ADORA1: variants seen among roughly 807,000 people sequenced by gnomAD.
ADORA1 encodes the protein adenosine receptor A1.
A neutral mutation model predicts 19.9 loss-of-function variants in ADORA1; 6 were observed. The observed-to-expected ratio is 0.30, with a 90% CI of 0.17 to 0.59. The LOEUF is 0.59. ADORA1 is among the 20% of genes least tolerant of loss of function. The probability of loss-of-function intolerance (pLI) is 0.87; values close to 1 mark genes in which losing one functional copy is unlikely to be tolerated. For synonymous variants in ADORA1, 194 were observed against 188.4 expected (o/e 1.03, Z -0.24); for missense variants, 302 against 439.2 (o/e 0.69, Z 2.79).
At chr1:203,129,395 C>T in intron 3 of ADORA1, 1 of 663,900 alleles carries the variant, frequency 1.5e-6, no homozygotes, top group Non-Finnish European at 1.9e-6. Flanking sequence ...GTACTGTGAA[C>T]TTACCAGTGC....
intron 3 of ADORA1, among the ~76,000 whole-genome samples, chr1:203,133,296 G>A (rs1654400874): frequency 6.6e-6 from 1 of 152,074 alleles, no homozygotes; most frequent in South Asian, 2.1e-4. Context: ...TGTATTTTTA[G>A]TAGAGATGGG....
At chr1:203,142,973 C>T (rs1654742648) in intron 3 of ADORA1, among the ~76,000 whole-genome samples, 1 of 152,158 alleles carries the variant, frequency 6.6e-6, no homozygotes, top group Non-Finnish European at 1.5e-5. Flanking sequence ...CATTACGGTC[C>T]CCTGGGGCCA....
At chr1:203,161,403 G>A (rs1655362142) in intron 3 of ADORA1, among the ~76,000 whole-genome samples, 1 of 152,104 alleles carries the variant, frequency 6.6e-6, no homozygotes, top group African/African-American at 2.4e-5. Flanking sequence ...ACAGGTGCTC[G>A]AGACCAGCCT....
chr1:203,154,674 C>A (rs12119124), intron 3 of ADORA1, among the ~76,000 whole-genome samples: 1 of 152,114 alleles, frequency 6.6e-6, no homozygotes. Context: ...CGCCCCATCC[C>A]CACTGCTCCA....
At chr1:203,140,562 C>T (rs1293912008) in intron 3 of ADORA1, among the ~76,000 whole-genome samples, 1 of 152,128 alleles carries the variant, frequency 6.6e-6, no homozygotes, top group Non-Finnish European at 1.5e-5. Context: ...CAGCTCTCCT[C>T]CCCTGGTGTG....
rs1180626669 is a variant in ADORA1, at chr1:203,165,125, T to C, written c.342-136T>C. On this transcript the variant is annotated intron_variant, in intron 3 of 3. Transcript: ENST00000337894. This position sits in a 1 kb window ranked among gnomAD's most constrained non-coding sequence, Gnocchi z 5.9. ...AGACTCAGCCCTCGAGCAAAAGACATGCACCTCCCCACTCACCGGGCCCTG... is the reference window on the plus strand; with the variant it reads ...AGACTCAGCCCTCGAGCAAAAGACACGCACCTCCCCACTCACCGGGCCCTG... The C allele has an allele frequency of 1.3e-6, 2 of 1,556,118 alleles. No homozygotes were observed. Among genetic ancestry groups the C allele is most frequent in the Admixed American group, 1.9e-5 (1 of 51,438 alleles).
intron 3 of ADORA1, among the ~76,000 whole-genome samples, chr1:203,146,287 C>T (rs933962769): frequency 6.6e-6 from 1 of 152,118 alleles, no homozygotes; most frequent in African/African-American, 2.4e-5. Flanking sequence ...CACTTTACTT[C>T]CCTTCGCCAC....
chr1:203,128,802 C>T lies in ADORA1; in HGVS notation c.-40C>T. On this transcript the variant is annotated 5_prime_UTR_variant, in exon 3 of 4. Coordinates refer to ENST00000337894, the MANE Select transcript of ADORA1 (RefSeq NM_000674.3). The surrounding 1 kb of genome is among the most constrained non-coding windows in gnomAD (Gnocchi z 5.9). ...CCACACAGGTGCTTGCCTCGTGCCC[C>T]TTGGTGCCCGTCTGCTGATGTGCCC... 4 of 1,554,066 alleles carry T rather than the reference C, an allele frequency of 2.6e-6. No homozygotes were observed. The highest frequency in any genetic ancestry group is 3.5e-6 in the Non-Finnish European group (4 of 1,153,632).
chr1:203,142,251 G>A (rs1654719305), intron 3 of ADORA1, among the ~76,000 whole-genome samples: 2 of 152,226 alleles, frequency 1.3e-5, no homozygotes, highest in African/African-American at 4.8e-5. Flanking sequence ...TGTGACCACT[G>A]TGATCCCTGT....
chr1:203,157,881 A>G (rs1655245961), intron 3 of ADORA1, among the ~76,000 whole-genome samples: 2 of 152,192 alleles, frequency 1.3e-5, no homozygotes, highest in African/African-American at 4.8e-5. Flanking sequence ...TGGGCAGCAA[A>G]TGCCGAGGTC....
At position 203,167,044 on chromosome 1, in the gene ADORA1, G is replaced by A; in HGVS notation, c.*1144G>A. ...CCCTAGTATCTGGCTGGGTTTTCAG[G>A]GGCTTTGGAAGCTCTGTTGCAGGTG... On this transcript the variant is annotated 3_prime_UTR_variant, in exon 4 of 4. Transcript: ENST00000337894. The A allele has an allele frequency of 6.6e-6, 1 of 152,542 alleles. No individual in the cohort carries two copies. Among genetic ancestry groups the A allele is most frequent in the East Asian group, 1.9e-4 (1 of 5,198 alleles). The allele number at this position is 152,542 out of a possible 1,614,324, so 9.4% of individuals were successfully genotyped here.
chr1:203,148,460 G>C (rs897584604), intron 3 of ADORA1, among the ~76,000 whole-genome samples: 4 of 152,222 alleles, frequency 2.6e-5, no homozygotes, highest in Non-Finnish European at 5.9e-5. Flanking sequence ...CTAATGTTCT[G>C]AGAGGTGATG....
In ADORA1 at chr1:203,165,913, G is replaced by T; in HGVS notation, c.*13G>T. On this transcript the variant is annotated 3_prime_UTR_variant, in exon 4 of 4. Transcript: ENST00000337894. This position sits in a 1 kb window ranked among gnomAD's most constrained non-coding sequence, Gnocchi z 5.9. ...GCCTGATGACTAGACCCCGCCTTCC[G>T]CTCCCACCAGCCCACATCCAGTGGG... 6.5e-7 allele frequency: 1 copy of T among 1,539,134 alleles called. No homozygotes were observed. The highest frequency in any genetic ancestry group is 8.8e-7 in the Non-Finnish European group (1 of 1,142,350).
At chr1:203,149,524 A>G (rs568145057) in intron 3 of ADORA1, among the ~76,000 whole-genome samples, 2 of 152,204 alleles carry the variant, frequency 1.3e-5, no homozygotes, top group Non-Finnish European at 2.9e-5. Flanking sequence ...ACCTCCACCC[A>G]GGCCGGGAGT....
intron 3 of ADORA1, among the ~76,000 whole-genome samples, chr1:203,161,788 T>C (rs1048506428): frequency 6.6e-6 from 1 of 152,120 alleles, no homozygotes; most frequent in East Asian, 1.9e-4. Context: ...TTGGCCAGGC[T>C]GGTCTTGAAC....
chr1:203,157,123 G>A (rs1017823512), intron 3 of ADORA1, among the ~76,000 whole-genome samples: 1 of 152,176 alleles, frequency 6.6e-6, no homozygotes, highest in Non-Finnish European at 1.5e-5. Context: ...ACTAGTTCCA[G>A]CATCAACTCA....
chr1:203,138,300 A>G (rs1440578771), intron 3 of ADORA1, among the ~76,000 whole-genome samples: 1 of 152,184 alleles, frequency 6.6e-6, no homozygotes, highest in Non-Finnish European at 1.5e-5. Flanking sequence ...TGGATATACA[A>G]GAATGAGAGG....
Position 203,165,542 on chromosome 1 carries a change from G to T in ADORA1, c.623G>T (p.Arg208Leu), listed in dbSNP as rs139946190. Reference sequence around the variant, plus strand: ...TACCTGGAGGTCTTCTACCTAATCCGCAAGCAGCTCAACAAGAAGGTGTCG... The same window carrying T: ...TACCTGGAGGTCTTCTACCTAATCCTCAAGCAGCTCAACAAGAAGGTGTCG... The part of the protein sequence containing the change: ...LIYLEVFYLI[R>L]KQLNKKVSAS... Residue 208 changes from arginine to leucine, a missense_variant, in exon 4 of 4, where the codon CGC (arginine) becomes CTC (leucine). Physicochemically the swap from Arg to Leu is moderately radical, Grantham distance 102. Transcript: ENST00000337894. This position sits in a 1 kb window ranked among gnomAD's most constrained non-coding sequence, Gnocchi z 5.9. 3 of 1,613,852 alleles carry T rather than the reference G, an allele frequency of 1.9e-6. No individual in the cohort carries two copies. The highest frequency in any genetic ancestry group is 1.7e-5 in the Admixed American group (1 of 59,994).
intron 3 of ADORA1, among the ~76,000 whole-genome samples, chr1:203,164,432 C>T (rs1000077346): frequency 4.6e-5 from 7 of 152,192 alleles, no homozygotes; most frequent in Admixed American, 4.6e-4. Flanking sequence ...CGTATGCATG[C>T]GTAAATGCAT....
Sources: allele counts gnomAD v4.1 joint callset (sites outside exome capture counted in the v4.1 genomes callset), GRCh38; gene constraint gnomAD v4.1.1; non-coding constraint Gnocchi (gnomAD v3.1); transcripts MANE v1.5; gene names NCBI Gene and HGNC (gene_info 2026-07-23, HGNC 2026-07-21).